Variants in CDH12 observed in about 807,000 individuals in gnomAD.
The protein encoded by CDH12 is cadherin-12.
In CDH12, 41 loss-of-function variants were observed where a neutral mutation model predicts 74.1. The ratio of observed to expected loss-of-function variants is 0.55; its 90% CI spans 0.43 to 0.72. CDH12 has a LOEUF of 0.72. CDH12 is among the 30% of genes least tolerant of loss of function. The probability of loss-of-function intolerance (pLI) is 0.00; values close to 1 mark genes in which losing one functional copy is unlikely to be tolerated. For synonymous variants in CDH12, 399 were observed against 355.0 expected (o/e 1.12, Z -1.39); for missense variants, 945 against 977.2 (o/e 0.97, Z 0.44).
intron 8 of CDH12, among the ~76,000 whole-genome samples, chr5:21,824,792 C>A (rs1179351076): frequency 6.6e-6 from 1 of 152,130 alleles, no homozygotes; most frequent in South Asian, 2.1e-4. Flanking sequence ...ACATGGCTTT[C>A]TCCAAAGAAA....
intron 8 of CDH12, among the ~76,000 whole-genome samples, chr5:21,836,462 A>AAAACACACAC (rs1455235817): frequency 1.4e-5 from 2 of 143,430 alleles, no homozygotes; most frequent in South Asian, 4.5e-4. Flanking sequence ...TAGAAAGGAA[A>AAAACACACAC]ACACACACAC....
At chr5:22,261,785 AGCC>A (rs1395961120) in intron 3 of CDH12, among the ~76,000 whole-genome samples, 36 of 38,574 alleles carry the variant, frequency 9.3e-4, no homozygotes, top group African/African-American at 2.4e-3. Flanking sequence ...AGAGAAAGAA[AGCC>A]AAAAAAAAAA....
rs556552265 is a variant in CDH12 at position 21,975,316 on chromosome 5, C to T, written c.301G>A (p.Val101Ile). ...CCTGTGGTTTCATCAATGGTAAAAACGGTGCCAGCGCCATCTCCTGAGAGG... is the reference window on the plus strand; with the variant it reads ...CCTGTGGTTTCATCAATGGTAAAAATGGTGCCAGCGCCATCTCCTGAGAGG... ...YTLSGDGAGT[V>I]FTIDETTGDI... The change falls in exon 6 of 15, where the codon GTT (valine) becomes ATT (isoleucine). Residue 101 changes from valine (V) to isoleucine (I), a missense_variant. Val to Ile is a conservative substitution (Grantham distance 29). Coordinates refer to ENST00000382254, the MANE Select transcript of CDH12 (RefSeq NM_004061.5). 31 of 1,597,158 alleles carry T rather than the reference C, an allele frequency of 1.9e-5. No individual in the cohort carries two copies. The highest frequency in any genetic ancestry group is 4.0e-5 in the African/African-American group (3 of 74,902).
rs1160900256 is a variant in CDH12, at chr5:22,249,964, G to A, written c.-332-37321C>T. On this transcript the variant is annotated intron_variant, in intron 3 of 14. Coordinates refer to ENST00000382254, the MANE Select transcript of CDH12 (RefSeq NM_004061.5). ...GTAAACAGGGATTTATGAGAAGCCAGTTAGGAAAAAGTGTCACAAACAAAT... is the reference window on the plus strand; with the variant it reads ...GTAAACAGGGATTTATGAGAAGCCAATTAGGAAAAAGTGTCACAAACAAAT... Among the ~76,000 whole-genome samples the A allele has an allele frequency of 3.9e-5, 6 of 152,148 alleles. No individual in the cohort carries two copies. The South Asian group carries it at 6.2e-4, about 16-fold the overall frequency.
chr5:22,352,099 A>G (rs13184199), intron 3 of CDH12, among the ~76,000 whole-genome samples: 65,861 of 151,298 alleles, frequency 0.44, 15,840 homozygotes, highest in Non-Finnish European at 0.54. Context: ...AGCTCTATTA[A>G]GTGTTTGGAA....
At chr5:22,136,739 C>T (rs1046649818) in intron 4 of CDH12, among the ~76,000 whole-genome samples, 18 of 149,610 alleles carry the variant, frequency 1.2e-4, no homozygotes, top group East Asian at 1.2e-3. Flanking sequence ...TCCCAGGGAC[C>T]GACTTTACCT....
chr5:22,161,608 G>C (rs1459170368), intron 4 of CDH12, among the ~76,000 whole-genome samples: 1 of 151,972 alleles, frequency 6.6e-6, no homozygotes, highest in Non-Finnish European at 1.5e-5. Context: ...GGGAAGATTG[G>C]ATGAGCTCAG....
intron 3 of CDH12, among the ~76,000 whole-genome samples, chr5:22,283,185 T>C (rs1306744744): frequency 7.5e-6 from 1 of 134,208 alleles, no homozygotes; most frequent in East Asian, 2.2e-4. Flanking sequence ...AACAAATAAT[T>C]CCTGGAGGAA....
Position 22,339,717 on chromosome 5 carries a change from A to G in CDH12, c.-333+65540T>C, listed in dbSNP as rs189721887. ...TGAAGAGTCAAAATATACTCCACTGATTTTAATGAACAATATTCACAAGCC... is the reference window on the plus strand; with the variant it reads ...TGAAGAGTCAAAATATACTCCACTGGTTTTAATGAACAATATTCACAAGCC... On this transcript the variant is annotated intron_variant, in intron 3 of 14. Coordinates refer to ENST00000382254, the MANE Select transcript of CDH12 (RefSeq NM_004061.5). 2.4e-3 allele frequency among the ~76,000 whole-genome samples: 359 copies of G among 152,292 alleles called. 2 individuals are homozygous for G. Among genetic ancestry groups the G allele is most frequent in the African/African-American group, 8.4e-3 (351 of 41,570 alleles).
chr5:22,615,625 A>G (rs1048717697), intron 1 of CDH12, among the ~76,000 whole-genome samples: 3 of 152,270 alleles, frequency 2.0e-5, no homozygotes, highest in African/African-American at 7.2e-5. Context: ...CAAGGAAAGC[A>G]AAATAAATCA....
At chr5:21,953,585 T>C (rs1755963063) in intron 6 of CDH12, among the ~76,000 whole-genome samples, 1 of 152,182 alleles carries the variant, frequency 6.6e-6, no homozygotes, top group Non-Finnish European at 1.5e-5. Context: ...AGAATGAGGA[T>C]GAAGGGAAGA....
At chr5:22,755,509 G>A (rs149286578) in intron 1 of CDH12, among the ~76,000 whole-genome samples, 128 of 152,092 alleles carry the variant, frequency 8.4e-4, no homozygotes, top group African/African-American at 3.0e-3. Context: ...TTACTATCAC[G>A]AGCAAAGTAA....
chr5:22,255,597 T>C (rs1004097484), intron 3 of CDH12, among the ~76,000 whole-genome samples: 1 of 151,698 alleles, frequency 6.6e-6, no homozygotes, highest in African/African-American at 2.4e-5. Context: ...AGTATTTAAG[T>C]TTGTTACATT....
At chr5:21,840,623 A>AACCAAAACAGCATGGTACTGGT (rs1749786746) in intron 8 of CDH12, among the ~76,000 whole-genome samples, 4 of 151,914 alleles carry the variant, frequency 2.6e-5, no homozygotes, top group African/African-American at 9.7e-5. Context: ...AGGCTACAGT[A>AACCAAAACAGCATGGTACTGGT]ACCAAAACAG....
intron 5 of CDH12, among the ~76,000 whole-genome samples, chr5:21,999,905 C>T (rs1645119611): frequency 6.6e-6 from 1 of 151,770 alleles, no homozygotes; most frequent in African/African-American, 2.4e-5. Flanking sequence ...ATAACTGTGG[C>T]AGTTGGGAGA....
intron 2 of CDH12, among the ~76,000 whole-genome samples, chr5:22,451,849 A>G (rs1161753011): frequency 6.6e-6 from 1 of 151,836 alleles, no homozygotes; most frequent in Non-Finnish European, 1.5e-5. Flanking sequence ...TGTAGACTCC[A>G]CTAATAGAAT....
chr5:22,747,323 C>T (rs185152405), intron 1 of CDH12, among the ~76,000 whole-genome samples: 45 of 151,700 alleles, frequency 3.0e-4, no homozygotes, highest in African/African-American at 6.5e-4. Context: ...GTATGTTTCC[C>T]CATTTATAAA....
intron 10 of CDH12, among the ~76,000 whole-genome samples, chr5:21,784,913 A>G (rs1232696532): frequency 6.6e-6 from 1 of 152,084 alleles, no homozygotes; most frequent in African/African-American, 2.4e-5. Flanking sequence ...GGTATACCTT[A>G]TTTCATGGCT....
intron 1 of CDH12, among the ~76,000 whole-genome samples, chr5:22,782,656 T>C (rs546194908): frequency 6.6e-6 from 1 of 152,154 alleles, no homozygotes; most frequent in Non-Finnish European, 1.5e-5. Flanking sequence ...ATGACCTAGG[T>C]TAACTATTCA....
Sources: allele counts gnomAD v4.1 joint callset (sites outside exome capture counted in the v4.1 genomes callset), GRCh38; gene constraint gnomAD v4.1.1; transcripts MANE v1.5; gene names NCBI Gene and HGNC (gene_info 2026-07-23, HGNC 2026-07-21).